Variants in PCDHGA9 observed in about 807,000 individuals in gnomAD.
PCDHGA9 encodes protocadherin gamma-A9.
PCDHGA9 carries 37 observed loss-of-function variants against 62.5 expected under a neutral mutation model. The ratio of observed to expected loss-of-function variants is 0.59; its 90% CI spans 0.46 to 0.78. PCDHGA9 has a LOEUF of 0.78. PCDHGA9 is among the 30% of genes least tolerant of loss of function. The pLI is 0.00. For synonymous variants in PCDHGA9, 459 were observed against 484.6 expected (o/e 0.95, Z 0.69); for missense variants, 1,138 against 1,166.2 (o/e 0.98, Z 0.35).
chr5:141,410,201 A>G, intron 1 of PCDHGA9: 3 of 1,613,988 alleles, frequency 1.9e-6, no homozygotes, highest in Non-Finnish European at 2.5e-6. Context: ...CTTCGCAGAC[A>G]ACTTGCAAGA....
At position 141,489,632 on chromosome 5, in the gene PCDHGA9, C is replaced by T; in HGVS notation, c.2425-5175C>T. 6.2e-7 allele frequency: 1 copy of T among 1,614,138 alleles called. No homozygotes were observed. Among genetic ancestry groups the T allele is most frequent in the Non-Finnish European group, 8.5e-7 (1 of 1,180,010 alleles). Reference sequence around the variant, plus strand: ...ATCCTGGATCTCAATGACAACTCTCCTAGCTTTGCCACCCCTGAGCGAGAG... The same window carrying T: ...ATCCTGGATCTCAATGACAACTCTCTTAGCTTTGCCACCCCTGAGCGAGAG... On this transcript the variant is annotated intron_variant, in intron 1 of 3. Transcript: ENST00000573521. The surrounding 1 kb of genome is among the most constrained non-coding windows in gnomAD (Gnocchi z 4.5).
Position 141,403,196 on chromosome 5 carries a change from G to A in PCDHGA9, c.244G>A (p.Gly82Ser), listed in dbSNP as rs762413220. The A allele has an allele frequency of 3.7e-6, 6 of 1,613,986 alleles. No individual in the cohort carries two copies. The highest frequency in any genetic ancestry group is 4.5e-5 in the East Asian group (2 of 44,886). ...GCTTTTCTCTCTGAACCCGCGCAGC[G>A]GCACCTTGGTCACCGCGGGTAGGAT... Reference protein sequence around the residue: ...TQLFSLNPRSGTLVTAGRIDR... With the variant: ...TQLFSLNPRSSTLVTAGRIDR... Residue 82 changes from glycine (G) to serine (S), a missense_variant, in exon 1 of 4, where the codon GGC (glycine) becomes AGC (serine). Transcript: ENST00000573521.
chr5:141,441,835 G>A (rs1423189098), intron 1 of PCDHGA9: 9 of 353,636 alleles, frequency 2.5e-5, no homozygotes, highest in Admixed American at 2.1e-4. Flanking sequence ...CAATGGCTTC[G>A]CGCTCTTGGA....
intron 1 of PCDHGA9, chr5:141,429,251 A>C (rs2097199889): frequency 6.6e-6 from 1 of 151,884 alleles, no homozygotes; most frequent in Non-Finnish European, 1.5e-5. Context: ...GAGATATTTT[A>C]ATTGAGGAAT....
rs1054012796 is a variant in PCDHGA9 at position 141,420,071 on chromosome 5, G to C, written c.2424+14695G>C. The C allele has an allele frequency of 6.2e-7, 1 of 1,614,050 alleles. No individual in the cohort carries two copies. On this transcript the variant is annotated intron_variant, in intron 1 of 3. Coordinates refer to ENST00000573521, the MANE Select transcript of PCDHGA9 (RefSeq NM_018921.3). ...AGTTCTCTGCTCCAAGTCCGGACCT[G>C]TGGGTCCCCCCAACTACAGTGAGGG...
In PCDHGA9 at chr5:141,403,389, C is replaced by A. The variant is rs764725441; in HGVS notation, c.437C>A (p.Ala146Glu). ...ESLEVKINEI[A>E]VPGARYPLPE... ...CTGGAAGTAAAAATTAACGAAATCG[C>A]GGTTCCTGGAGCACGTTATCCACTT... The change falls in exon 1 of 4, where the codon GCG becomes GAG. Residue 146 changes from alanine to glutamate, a missense_variant. By Grantham distance (107) the Ala-to-Glu change is moderately radical (BLOSUM62 -1). Coordinates refer to ENST00000573521, the MANE Select transcript of PCDHGA9 (RefSeq NM_018921.3). 1.9e-6 allele frequency: 3 copies of A among 1,614,050 alleles called. No homozygotes were observed. The highest frequency in any genetic ancestry group is 2.5e-6 in the Non-Finnish European group (3 of 1,179,896).
chr5:141,507,601 A>G (rs2099861935), intron 3 of PCDHGA9, among the ~76,000 whole-genome samples: 1 of 152,254 alleles, frequency 6.6e-6, no homozygotes, highest in South Asian at 2.1e-4. Flanking sequence ...TGAGGGAAAT[A>G]AACAGGTATA....
At chr5:141,422,044 G>C in intron 1 of PCDHGA9, 1 of 1,611,530 alleles carries the variant, frequency 6.2e-7, no homozygotes, top group Admixed American at 1.7e-5. Flanking sequence ...TCCAGACGAG[G>C]GAATCAACGG....
chr5:141,410,154 A>C (rs1254712035), intron 1 of PCDHGA9: 1 of 1,612,962 alleles, frequency 6.2e-7, no homozygotes, highest in Non-Finnish European at 8.5e-7. Flanking sequence ...GACGGTGGAC[A>C]GCCGCCACTC....
Position 141,511,349 on chromosome 5 carries a change from C to T in PCDHGA9, c.*176C>T, listed in dbSNP as rs1463242262. The T allele has an allele frequency of 2.1e-6, 3 of 1,401,380 alleles. No homozygotes were observed. The highest frequency in any genetic ancestry group is 2.9e-5 in the African/African-American group (2 of 68,826). 86.8% of individuals were successfully genotyped at this position (1,401,380 alleles called of 1,614,324 possible). The stretch of plus-strand genomic sequence containing the variant: ...GCCCAGTCAGCACCTACCCCTTCCC[C>T]CCCAGGGGGTTGAATATGCAAAAGC... On this transcript the variant is annotated 3_prime_UTR_variant, in exon 4 of 4. Transcript: ENST00000573521.
At chr5:141,437,944 G>A (rs576107104) in intron 1 of PCDHGA9, among the ~76,000 whole-genome samples, 1 of 152,178 alleles carries the variant, frequency 6.6e-6, no homozygotes, top group South Asian at 2.1e-4. Flanking sequence ...CACCATATTG[G>A]CCAGAATGGT....
At position 141,443,088 on chromosome 5, in the gene PCDHGA9, T is replaced by C. The variant is rs188899890; in HGVS notation, c.2424+37712T>C. On this transcript the variant is annotated intron_variant, in intron 1 of 3. Transcript: ENST00000573521. ...CGTCTTATGACTGAGTGTTCCAGTC[T>C]CCTTCTCAAGCTGAACCTTGCTTTT... is the stretch of plus-strand genomic sequence containing the variant. 2.9e-3 allele frequency among the ~76,000 whole-genome samples: 446 copies of C among 152,092 alleles called. 1 individual carries two copies. Among genetic ancestry groups the C allele is most frequent in the Middle Eastern group, 0.014 (4 of 294 alleles).
At position 141,511,271 on chromosome 5, in the gene PCDHGA9, C is replaced by T. The variant is rs371445452; in HGVS notation, c.*98C>T. ...GCCTCAGAGTTTCAGGGCTAACCCC[C>T]AGAATACTGGTAGGGGCCAAGGCCA... On this transcript the variant is annotated 3_prime_UTR_variant, in exon 4 of 4. Transcript: ENST00000573521. 9.1e-6 allele frequency: 14 copies of T among 1,544,094 alleles called. No individual in the cohort carries two copies. In the African/African-American group the frequency reaches 1.6e-4, roughly 18 times the overall value.
chr5:141,510,959 G>A lies in PCDHGA9; in HGVS notation c.2585G>A (p.Gly862Glu). 6.2e-7 allele frequency: 1 copy of A among 1,614,110 alleles called. No individual in the cohort carries two copies. Among genetic ancestry groups the A allele is most frequent in the Non-Finnish European group, 8.5e-7 (1 of 1,180,012 alleles). Residue 862 changes from glycine to glutamate, a missense_variant, in exon 4 of 4, where the codon GGG becomes GAG. Coordinates refer to ENST00000573521, the MANE Select transcript of PCDHGA9 (RefSeq NM_018921.3). ...TCTGTCTCTGCAGAAGCTGCTGATG[G>A]GAGCTCCACCCTGGGAGGGGGTGCC... ...ILASASEAADGSSTLGGGAGT... is the reference protein window; with the variant it reads ...ILASASEAADESSTLGGGAGT...
chr5:141,422,703 G>GA, intron 1 of PCDHGA9: 1 of 1,603,132 alleles, frequency 6.2e-7, no homozygotes, highest in African/African-American at 1.3e-5. Context: ...CTTACTCTCT[G>GA]ACGGATGACA....
chr5:141,505,742 G>A (rs1024914690), intron 3 of PCDHGA9, among the ~76,000 whole-genome samples: 1 of 152,150 alleles, frequency 6.6e-6, no homozygotes, highest in Non-Finnish European at 1.5e-5. Flanking sequence ...TACAAGTCTA[G>A]CTCTGGAATG....
Position 141,485,092 on chromosome 5 carries a change from G to C in PCDHGA9, c.2425-9715G>C, listed in dbSNP as rs2099606725. 3.8e-6 allele frequency: 4 copies of C among 1,065,492 alleles called. No homozygotes were observed. Among genetic ancestry groups the C allele is most frequent in the Non-Finnish European group, 5.6e-6 (4 of 708,358 alleles). The allele number at this position is 1,065,492 out of a possible 1,614,324, so 66.0% of individuals were successfully genotyped here. A position where few individuals can be genotyped will look rare whatever the true frequency, so the allele number is the denominator to read the frequency against. Reference sequence around the variant, plus strand: ...CTGGCGCGGGGAAAGGGAGATAGGTGTCTCCAGCTGCTGTGGCTGTTTGGG... The same window carrying C: ...CTGGCGCGGGGAAAGGGAGATAGGTCTCTCCAGCTGCTGTGGCTGTTTGGG... On this transcript the variant is annotated intron_variant, in intron 1 of 3. Coordinates refer to ENST00000573521, the MANE Select transcript of PCDHGA9 (RefSeq NM_018921.3). This position sits in a 1 kb window ranked among gnomAD's most constrained non-coding sequence, Gnocchi z 5.7.
At position 141,412,987 on chromosome 5, in the gene PCDHGA9, A is replaced by G. The variant is rs192699644; in HGVS notation, c.2424+7611A>G. The G allele has an allele frequency of 3.7e-3, 2,104 of 564,638 alleles. 8 individuals carry two copies. Among genetic ancestry groups the G allele is most frequent in the Admixed American group, 0.011 (308 of 27,526 alleles). 35.0% of individuals were successfully genotyped at this position (564,638 alleles called of 1,614,324 possible). ...AGGAGAGAAAACGCAGCCAGAGCTCAATCCGGATTCTCAGGGCTTCAACTA... is the reference window on the plus strand; with the variant it reads ...AGGAGAGAAAACGCAGCCAGAGCTCGATCCGGATTCTCAGGGCTTCAACTA... On this transcript the variant is annotated intron_variant, in intron 1 of 3. Transcript: ENST00000573521.
intron 1 of PCDHGA9, among the ~76,000 whole-genome samples, chr5:141,474,116 A>G (rs2099342954): frequency 1.3e-5 from 2 of 152,234 alleles, no homozygotes; most frequent in African/African-American, 4.8e-5. Flanking sequence ...AACAACAACG[A>G]AAATCTCAGA....
Sources: gnomAD v4.1 joint callset for allele counts (sites outside exome capture counted in the v4.1 genomes callset) on GRCh38, gnomAD v4.1.1 for gene constraint, Gnocchi (gnomAD v3.1) non-coding constraint, MANE v1.5 for transcripts, NCBI Gene and HGNC (gene_info 2026-07-23, HGNC 2026-07-21) for gene names.